Variants in TMCC1 observed in about 807,000 individuals in gnomAD.
TMCC1 encodes transmembrane and coiled-coil domain family 1.
TMCC1 carries 15 observed loss-of-function variants against 52.4 expected under a neutral mutation model. That is an observed-to-expected ratio of 0.29 (90% confidence interval 0.19 to 0.44). The LOEUF is 0.44. Ranked by LOEUF, TMCC1 falls within the 20% of genes least tolerant of loss-of-function variation. The probability of loss-of-function intolerance (pLI) is 1.00; values close to 1 mark genes in which losing one functional copy is unlikely to be tolerated. For synonymous variants in TMCC1, 279 were observed against 301.9 expected, an observed-to-expected ratio of 0.92 and a Z score of 0.79; for missense variants, 503 against 806.0, an observed-to-expected ratio of 0.62 and a Z score of 4.55.
At chr3:129,738,287 A>G (rs1172663912) in intron 4 of TMCC1, among the ~76,000 whole-genome samples, 2 of 151,404 alleles carry the variant, frequency 1.3e-5, no homozygotes, top group African/African-American at 4.9e-5. Flanking sequence ...AAAAAAAAAA[A>G]AAAGAGAAGA....
At chr3:129,870,710 C>T (rs1323526139) in intron 2 of TMCC1, among the ~76,000 whole-genome samples, 3 of 15,442 alleles carry the variant, frequency 1.9e-4, no homozygotes, top group Admixed American at 2.5e-3. Context: ...CTGCACTCCG[C>T]GGGTTGGCGG....
chr3:129,852,990 C>G (rs535347344), intron 2 of TMCC1, among the ~76,000 whole-genome samples: 1 of 152,250 alleles, frequency 6.6e-6, no homozygotes, highest in South Asian at 2.1e-4. Flanking sequence ...ATTAATAATG[C>G]ATCCTTAATT....
chr3:129,858,755 A>G (rs2060253885), intron 2 of TMCC1, among the ~76,000 whole-genome samples: 2 of 152,222 alleles, frequency 1.3e-5, no homozygotes, highest in Non-Finnish European at 2.9e-5. Context: ...ATCTGCAAGC[A>G]TGTAGGAAGA....
rs766813351 is a variant in TMCC1 at position 129,654,950 on chromosome 3, C to T, written c.1647+18G>A. On this transcript the variant is annotated intron_variant, in intron 6 of 6. Coordinates refer to ENST00000393238, the MANE Select transcript of TMCC1 (RefSeq NM_001017395.5). Reference sequence around the variant, plus strand: ...ACCCTACTGTATTTTGCATTTACACCTTTTCCTTCATACTAACCTGGATGT... The same window carrying T: ...ACCCTACTGTATTTTGCATTTACACTTTTTCCTTCATACTAACCTGGATGT... 5.6e-6 allele frequency: 9 copies of T among 1,607,354 alleles called. No homozygotes were observed. Among genetic ancestry groups the T allele is most frequent in the South Asian group, 1.1e-5 (1 of 90,052 alleles).
chr3:129,667,922 C>T (rs1327029296), intron 5 of TMCC1, among the ~76,000 whole-genome samples: 2 of 152,162 alleles, frequency 1.3e-5, no homozygotes, highest in African/African-American at 4.8e-5. Context: ...TATGGTGACT[C>T]ATACCTGTAA....
chr3:129,659,175 C>T (rs972844789), intron 5 of TMCC1, among the ~76,000 whole-genome samples: 2 of 149,746 alleles, frequency 1.3e-5, no homozygotes, highest in Non-Finnish European at 3.0e-5. Context: ...TCATGGCTCA[C>T]TGCAGCCTCA....
At chr3:129,868,897 A>G (rs2107956490) in intron 2 of TMCC1, 1 of 152,344 alleles carries the variant, frequency 6.6e-6, no homozygotes, top group South Asian at 2.1e-4. Flanking sequence ...TCTGTTCTAA[A>G]AACAAAATCT....
At chr3:129,880,864 CT>C (rs62895562) in intron 1 of TMCC1, among the ~76,000 whole-genome samples, 2,315 of 135,946 alleles carry the variant, frequency 0.017, 40 homozygotes, top group African/African-American at 0.05. Context: ...AATTTTTTTT[CT>C]TTTTTTTTTT....
At chr3:129,859,651 T>TACACACACAC (rs59213877) in intron 2 of TMCC1, among the ~76,000 whole-genome samples, 18 of 148,692 alleles carry the variant, frequency 1.2e-4, no homozygotes, top group African/African-American at 4.5e-4. Context: ...CACACACACA[T>TACACACACAC]ACACACACAC....
chr3:129,653,378 C>T (rs2086463596), intron 6 of TMCC1, among the ~76,000 whole-genome samples: 1 of 152,248 alleles, frequency 6.6e-6, no homozygotes, highest in African/African-American at 2.4e-5. Flanking sequence ...GGCACACTCT[C>T]CTTTAGTTTG....
At chr3:129,721,870 C>T (rs945649633) in intron 4 of TMCC1, among the ~76,000 whole-genome samples, 1 of 85,424 alleles carries the variant, frequency 1.2e-5, no homozygotes, top group African/African-American at 4.5e-5. Context: ...AGCGAGACTC[C>T]GTCTCAAAAA....
intron 2 of TMCC1, among the ~76,000 whole-genome samples, chr3:129,866,848 C>A (rs2060673077): frequency 6.6e-6 from 1 of 152,098 alleles, no homozygotes. Context: ...TTGTCACATG[C>A]TACAGATTTT....
At chr3:129,711,997 G>T (rs1230901859) in intron 4 of TMCC1, among the ~76,000 whole-genome samples, 1 of 42,754 alleles carries the variant, frequency 2.3e-5, no homozygotes, top group African/African-American at 1.3e-4. Flanking sequence ...GTGAGACTCT[G>T]TCTCAAAAAA....
At chr3:129,665,981 T>C (rs1333454724) in intron 5 of TMCC1, among the ~76,000 whole-genome samples, 1 of 152,108 alleles carries the variant, frequency 6.6e-6, no homozygotes, top group African/African-American at 2.4e-5. Context: ...ACAGCAACAC[T>C]GTGCATGGCC....
chr3:129,796,923 G>A (rs1162007124), intron 4 of TMCC1, among the ~76,000 whole-genome samples: 1 of 152,174 alleles, frequency 6.6e-6, no homozygotes, highest in Non-Finnish European at 1.5e-5. Flanking sequence ...ACAAAAAAAT[G>A]AATTTGAAAA....
chr3:129,678,261 TTAA>T (rs1175093737), intron 4 of TMCC1, among the ~76,000 whole-genome samples: 2 of 151,968 alleles, frequency 1.3e-5, no homozygotes, highest in African/African-American at 4.8e-5. Flanking sequence ...CCATATCCAC[TTAA>T]TAACAACATT....
intron 4 of TMCC1, among the ~76,000 whole-genome samples, chr3:129,767,113 T>C (rs1189330507): frequency 6.6e-6 from 1 of 151,744 alleles, no homozygotes; most frequent in Non-Finnish European, 1.5e-5. Context: ...ATACAAAGAT[T>C]AGCAGGGCAT....
intron 4 of TMCC1, among the ~76,000 whole-genome samples, chr3:129,691,513 G>GCTC (rs2047025546): frequency 6.6e-6 from 1 of 151,906 alleles, no homozygotes; most frequent in African/African-American, 2.4e-5. Flanking sequence ...AGGCGTGGTG[G>GCTC]CTCATGCCTG....
At position 129,850,015 on chromosome 3, in the gene TMCC1, T is replaced by G. The variant is rs774421243; in HGVS notation, c.-183-17189A>C. Among the ~76,000 whole-genome samples, 7 of 152,284 alleles carry G rather than the reference T, an allele frequency of 4.6e-5. No individual in the cohort carries two copies. The East Asian group carries it at 1.4e-3, about 29-fold the overall frequency. ...AATTAACATTTAGATTAGGTATCAT[T>G]TGAAAACTGTTAGTATTTTACCAAC... On this transcript the variant is annotated intron_variant, in intron 2 of 6. Coordinates refer to ENST00000393238, the MANE Select transcript of TMCC1 (RefSeq NM_001017395.5).
Sources: gnomAD v4.1 joint callset for allele counts (sites outside exome capture counted in the v4.1 genomes callset) on GRCh38, gnomAD v4.1.1 for gene constraint, MANE v1.5 for transcripts, NCBI Gene and HGNC (gene_info 2026-07-23, HGNC 2026-07-21) for gene names.